NHSL2: variants seen among roughly 807,000 people sequenced by gnomAD.
The protein encoded by NHSL2 is NHS-like protein 2.
NHSL2 carries 27 observed loss-of-function variants against 53.4 expected under a neutral mutation model. The observed-to-expected ratio is 0.51, with a 90% CI of 0.37 to 0.70. The LOEUF (loss-of-function observed/expected upper bound fraction) is 0.70, where lower values mean the gene tolerates loss of function less well. Among genes scored for constraint, NHSL2 ranks in the 30% least tolerant of loss-of-function variants. The pLI, the probability that NHSL2 is intolerant of heterozygous loss-of-function variation, is 0.00. For synonymous variants in NHSL2, 408 were observed against 404.1 expected (o/e 1.01, Z -0.12); for missense variants, 892 against 980.1 (o/e 0.91, Z 1.20).
intron 1 of NHSL2, among the ~76,000 whole-genome samples, chrX:72,069,172 G>A (rs1023192088): frequency 1.8e-5 from 2 of 112,210 alleles, no homozygotes; most frequent in African/African-American, 6.5e-5. Flanking sequence ...GTGAGCGAGT[G>A]AGCGAGTGAG....
chrX:71,941,376 A>C (rs887670394), intron 1 of NHSL2, among the ~76,000 whole-genome samples: 2 of 111,344 alleles, frequency 1.8e-5, no homozygotes, highest in African/African-American at 6.5e-5. Context: ...TCAGGGATCT[A>C]TGTCTGGTCC....
At chrX:71,964,080 T>TATA (rs2041889711) in intron 1 of NHSL2, among the ~76,000 whole-genome samples, 2 of 94,564 alleles carry the variant, frequency 2.1e-5, no homozygotes, top group Non-Finnish European at 4.1e-5. Context: ...TTATTATTAT[T>TATA]ATACTTTAAG....
At chrX:71,933,887 G>T (rs945944386) in intron 1 of NHSL2, among the ~76,000 whole-genome samples, 1 of 111,382 alleles carries the variant, frequency 9.0e-6, no homozygotes, top group Non-Finnish European at 1.9e-5. Flanking sequence ...GTTGGCTTCA[G>T]CAGACCCAGG....
intron 1 of NHSL2, among the ~76,000 whole-genome samples, chrX:71,952,881 T>A (rs1352587869): frequency 8.9e-6 from 1 of 111,828 alleles, no homozygotes; most frequent in East Asian, 2.8e-4. Flanking sequence ...TATCTTGCAT[T>A]CTCATCAGGA....
chrX:71,946,024 C>CA (rs1252603026), intron 1 of NHSL2, among the ~76,000 whole-genome samples: 1 of 112,230 alleles, frequency 8.9e-6, no homozygotes, highest in Non-Finnish European at 1.9e-5. Flanking sequence ...GGCTGACATA[C>CA]CGGCTGTGCG....
intron 1 of NHSL2, among the ~76,000 whole-genome samples, chrX:72,076,260 T>C (rs1259648176): frequency 2.7e-5 from 3 of 111,378 alleles, no homozygotes; most frequent in Non-Finnish European, 5.7e-5. Context: ...TATATGGTCA[T>C]GCATATTATT....
intron 1 of NHSL2, among the ~76,000 whole-genome samples, chrX:72,079,552 G>A (rs1390151897): frequency 8.9e-6 from 1 of 112,510 alleles, no homozygotes; most frequent in Non-Finnish European, 1.9e-5. Context: ...ACCTCTATGT[G>A]CTGTAGAGTA....
At chrX:71,948,745 G>A (rs916882111) in intron 1 of NHSL2, among the ~76,000 whole-genome samples, 15 of 108,683 alleles carry the variant, frequency 1.4e-4, no homozygotes, top group Non-Finnish European at 2.7e-4. Context: ...CAGAAGAATC[G>A]CTTGAACCTG....
intron 1 of NHSL2, among the ~76,000 whole-genome samples, chrX:72,070,523 C>T (rs1209332214): frequency 5.4e-5 from 6 of 111,606 alleles, no homozygotes; most frequent in Admixed American, 1.9e-4. Flanking sequence ...CCTTCCCAGG[C>T]GGTGCAAGAA....
intron 1 of NHSL2, among the ~76,000 whole-genome samples, chrX:72,113,480 A>G (rs2042109931): frequency 8.9e-6 from 1 of 111,907 alleles, no homozygotes; most frequent in African/African-American, 3.3e-5. Context: ...ATAGGGTTTT[A>G]TTAGAGGGAA....
chrX:72,007,791 G>A (rs1422431360), intron 1 of NHSL2, among the ~76,000 whole-genome samples: 2 of 113,263 alleles, frequency 1.8e-5, no homozygotes, highest in African/African-American at 6.4e-5. Flanking sequence ...CTTGATGAGC[G>A]GGCCAGGACC....
chrX:71,928,545 G>A (rs2041697040), intron 1 of NHSL2, among the ~76,000 whole-genome samples: 1 of 112,086 alleles, frequency 8.9e-6, no homozygotes, highest in East Asian at 2.8e-4. Context: ...GGCAAGGGGA[G>A]TTGCATGAGC....
intron 1 of NHSL2, among the ~76,000 whole-genome samples, chrX:71,957,892 AACTG>A (rs1421658829): frequency 4.5e-5 from 5 of 111,718 alleles, no homozygotes; most frequent in Non-Finnish European, 9.4e-5. Flanking sequence ...GCACATAAAT[AACTG>A]TTACACACGA....
intron 1 of NHSL2, among the ~76,000 whole-genome samples, chrX:72,114,524 T>C (rs2042120260): frequency 3.6e-5 from 4 of 111,443 alleles, no homozygotes; most frequent in Admixed American, 9.5e-5. Context: ...GATCAACAAC[T>C]GTGGAAAGTG....
intron 1 of NHSL2, among the ~76,000 whole-genome samples, chrX:72,101,070 T>C (rs2041988467): frequency 9.4e-6 from 1 of 106,105 alleles, no homozygotes; most frequent in Non-Finnish European, 1.9e-5. Flanking sequence ...GCAGAGTGTG[T>C]GGCAACGGGG....
intron 1 of NHSL2, among the ~76,000 whole-genome samples, chrX:71,918,770 C>T (rs1039236363): frequency 7.2e-5 from 8 of 111,592 alleles, no homozygotes; most frequent in Non-Finnish European, 1.3e-4. Context: ...TGCAGGGAAC[C>T]CCCACTGCAT....
chrX:72,006,581 C>T (rs955113476), intron 1 of NHSL2, among the ~76,000 whole-genome samples: 3 of 112,616 alleles, frequency 2.7e-5, no homozygotes, highest in African/African-American at 9.7e-5. Context: ...CTCTCCAGCT[C>T]TCGCTCTGTT....
intron 1 of NHSL2, among the ~76,000 whole-genome samples, chrX:71,981,884 G>A (rs779322114): frequency 9.8e-5 from 11 of 111,961 alleles, no homozygotes; most frequent in East Asian, 5.6e-4. Context: ...ACATAAAATG[G>A]TGCAGCCTCT....
chrX:72,111,238 C>T (rs1214698785), intron 1 of NHSL2, among the ~76,000 whole-genome samples: 1 of 112,219 alleles, frequency 8.9e-6, no homozygotes, highest in African/African-American at 3.2e-5. Context: ...CTCTCAGGGG[C>T]CGAGCCTGCA....
Sources: allele counts gnomAD v4.1 joint callset (sites outside exome capture counted in the v4.1 genomes callset), GRCh38; gene constraint gnomAD v4.1.1; transcripts MANE v1.5; gene names NCBI Gene and HGNC (gene_info 2026-07-23, HGNC 2026-07-21).